ATP2B2: variants seen among roughly 807,000 people sequenced by gnomAD.
The protein encoded by ATP2B2 is plasma membrane calcium-transporting ATPase 2.
A neutral mutation model predicts 120.0 loss-of-function variants in ATP2B2; 15 were observed. The observed-to-expected ratio is 0.12, with a 90% CI of 0.08 to 0.19. The LOEUF (loss-of-function observed/expected upper bound fraction) is 0.19. ATP2B2 is among the 10% of genes least tolerant of loss of function. ATP2B2 has a pLI of 1.00. For synonymous variants in ATP2B2, 694 were observed against 700.3 expected (o/e 0.99, Z 0.14); for missense variants, 1,045 against 1,719.8 (o/e 0.61, Z 6.94).
chr3:10,405,647 G>A (rs1471306126), intron 3 of ATP2B2, among the ~76,000 whole-genome samples: 1 of 152,174 alleles, frequency 6.6e-6, no homozygotes, highest in African/African-American at 2.4e-5. Context: ...CCAGGGAACT[G>A]CAACTGCTCT....
intron 2 of ATP2B2, among the ~76,000 whole-genome samples, chr3:10,417,849 A>G (rs991811341): frequency 6.6e-6 from 1 of 152,134 alleles, no homozygotes; most frequent in Non-Finnish European, 1.5e-5. Flanking sequence ...AGAAACTCCA[A>G]AGGTCTTGGG....
intron 2 of ATP2B2, among the ~76,000 whole-genome samples, chr3:10,581,879 A>G (rs2125562131): frequency 6.6e-6 from 1 of 152,344 alleles, no homozygotes; most frequent in South Asian, 2.1e-4. Context: ...TGCCTGGCAC[A>G]GAGTAAGTGC....
chr3:10,431,903 T>C (rs769908330), intron 2 of ATP2B2, among the ~76,000 whole-genome samples: 3 of 152,206 alleles, frequency 2.0e-5, no homozygotes, highest in Non-Finnish European at 4.4e-5. Flanking sequence ...CTGGAGGCAA[T>C]TCTTTTAAAG....
intron 1 of ATP2B2, among the ~76,000 whole-genome samples, chr3:10,693,171 T>C (rs575302284): frequency 2.3e-4 from 35 of 152,246 alleles, no homozygotes; most frequent in Admixed American, 1.8e-3. Flanking sequence ...GGCTTGACAA[T>C]CACACTTTTT....
Position 10,391,562 on chromosome 3 carries a change from C to T in ATP2B2, c.782-3160G>A, listed in dbSNP as rs932081197. Reference sequence around the variant, plus strand: ...AGCAGGGAGCTGGCAGCTCTACACCCACATCCGGAGGCAGGGAGGTGGCAG... The same window carrying T: ...AGCAGGGAGCTGGCAGCTCTACACCTACATCCGGAGGCAGGGAGGTGGCAG... On this transcript the variant is annotated intron_variant, in intron 5 of 22. Coordinates refer to ENST00000360273, the MANE Select transcript of ATP2B2 (RefSeq NM_001001331.4). Among the ~76,000 whole-genome samples the T allele has an allele frequency of 2.6e-5, 4 of 152,328 alleles. No homozygotes were observed. The East Asian group carries it at 5.8e-4, about 22-fold the overall frequency.
intron 3 of ATP2B2, among the ~76,000 whole-genome samples, chr3:10,533,518 A>G (rs1036733856): frequency 1.3e-5 from 2 of 152,224 alleles, no homozygotes; most frequent in African/African-American, 4.8e-5. Context: ...TCAATAACCA[A>G]TAAACATACT....
chr3:10,336,356 A>G, intron 22 of ATP2B2: 3 of 1,515,162 alleles, frequency 2.0e-6, no homozygotes, highest in Non-Finnish European at 2.7e-6. Flanking sequence ...CAACGGCTAC[A>G]TGACTGACAG....
intron 2 of ATP2B2, among the ~76,000 whole-genome samples, chr3:10,412,799 C>G (rs533095310): frequency 2.0e-5 from 3 of 152,138 alleles, no homozygotes; most frequent in Non-Finnish European, 4.4e-5. Flanking sequence ...GAGCCTGGCC[C>G]GAGGTGTGCA....
At chr3:10,683,784 A>ATATATATATATATATG (rs2071448414) in intron 1 of ATP2B2, among the ~76,000 whole-genome samples, 1 of 117,966 alleles carries the variant, frequency 8.5e-6, no homozygotes, top group Non-Finnish European at 1.8e-5. Flanking sequence ...ATATATATAT[A>ATATATATATATATATG]TATATATATA....
intron 1 of ATP2B2, among the ~76,000 whole-genome samples, chr3:10,481,350 A>C (rs1350193234): frequency 6.1e-5 from 9 of 148,240 alleles, no homozygotes; most frequent in African/African-American, 2.3e-4. Flanking sequence ...AGCATACTCC[A>C]CCTCAGGGCT....
intron 8 of ATP2B2, among the ~76,000 whole-genome samples, chr3:10,384,610 C>A (rs1438171): frequency 6.6e-6 from 1 of 152,094 alleles, no homozygotes; most frequent in African/African-American, 2.4e-5. Flanking sequence ...CCCTCTCCCC[C>A]ACCCTCCACC....
intron 1 of ATP2B2, among the ~76,000 whole-genome samples, chr3:10,691,287 T>A (rs925322388): frequency 2.6e-5 from 4 of 152,192 alleles, no homozygotes; most frequent in African/African-American, 9.7e-5. Context: ...GTACAATGGA[T>A]CATACCATGA....
intron 1 of ATP2B2, among the ~76,000 whole-genome samples, chr3:10,483,233 G>C (rs1340195004): frequency 1.3e-5 from 2 of 152,246 alleles, no homozygotes; most frequent in Non-Finnish European, 2.9e-5. Flanking sequence ...GGATAGGTGT[G>C]ACAGTCCCCA....
chr3:10,392,213 T>C (rs561015885), intron 5 of ATP2B2, among the ~76,000 whole-genome samples: 9 of 152,274 alleles, frequency 5.9e-5, no homozygotes, highest in Admixed American at 5.9e-4. Context: ...TCCAGCACAA[T>C]TTTTTGTACT....
At chr3:10,374,761 G>GA (rs150028787) in intron 11 of ATP2B2, among the ~76,000 whole-genome samples, 2,578 of 152,324 alleles carry the variant, frequency 0.017, 64 homozygotes, top group African/African-American at 0.059. Flanking sequence ...GTAGCGCTTA[G>GA]AAAGGTCCCA....
At chr3:10,576,561 G>C (rs2068252576) in intron 2 of ATP2B2, among the ~76,000 whole-genome samples, 1 of 151,964 alleles carries the variant, frequency 6.6e-6, no homozygotes, top group African/African-American at 2.4e-5. Context: ...TAAATTGTTT[G>C]TAGAGATGGG....
chr3:10,700,399 C>T (rs76168908), intron 1 of ATP2B2, among the ~76,000 whole-genome samples: 1,543 of 152,270 alleles, frequency 0.01, 25 homozygotes, highest in African/African-American at 0.035. Context: ...CTAGGCAGAG[C>T]ATGAGTAAAG....
intron 3 of ATP2B2, among the ~76,000 whole-genome samples, chr3:10,522,220 G>A (rs936934464): frequency 2.6e-5 from 4 of 152,168 alleles, no homozygotes; most frequent in Non-Finnish European, 5.9e-5. Flanking sequence ...GTGTACTGCT[G>A]TGCCCTATTT....
At chr3:10,483,920 G>C (rs1481901900) in intron 1 of ATP2B2, among the ~76,000 whole-genome samples, 1 of 102,626 alleles carries the variant, frequency 9.7e-6, no homozygotes, top group Non-Finnish European at 2.2e-5. Flanking sequence ...CAGGGATCAA[G>C]GCGGTCCAGG....
Sources: gnomAD v4.1 joint callset for allele counts (sites outside exome capture counted in the v4.1 genomes callset) on GRCh38, gnomAD v4.1.1 for gene constraint, MANE v1.5 for transcripts, NCBI Gene and HGNC (gene_info 2026-07-23, HGNC 2026-07-21) for gene names.